The following PHF20 variants were observed in gnomAD, a reference collection of about 807,000 sequenced individuals.
PHF20 encodes the protein glioma-expressed antigen 2.
In PHF20, 23 loss-of-function variants were observed where a neutral mutation model predicts 113.5. The observed-to-expected ratio is 0.20, with a 90% CI of 0.15 to 0.29. The LOEUF (loss-of-function observed/expected upper bound fraction) is 0.29. Ranked by LOEUF, PHF20 falls within the 10% of genes least tolerant of loss-of-function variation. PHF20 has a pLI of 1.00. For missense variants in PHF20, 943 were observed against 1,219.6 expected (o/e 0.77, Z 3.38); for synonymous variants, 434 against 457.3 (o/e 0.95, Z 0.65).
intron 5 of PHF20, among the ~76,000 whole-genome samples, chr20:35,862,390 A>T (rs2054233647): frequency 6.6e-6 from 1 of 152,194 alleles, no homozygotes; most frequent in Non-Finnish European, 1.5e-5. Context: ...AGGACAGAGC[A>T]TGAAGGCATT....
rs1035987272 is a variant in PHF20, at chr20:35,913,131, C to A, written c.1562-118C>A. 7 of 477,498 alleles carry A rather than the reference C, an allele frequency of 1.5e-5. No individual in the cohort carries two copies. In the East Asian group the frequency reaches 2.5e-4, roughly 17 times the overall value. The allele number at this position is 477,498 out of a possible 1,614,324, so 29.6% of individuals were successfully genotyped here. A position where few individuals can be genotyped will look rare whatever the true frequency, so the allele number is the denominator to read the frequency against. On this transcript the variant is annotated intron_variant, in intron 10 of 17. Transcript: ENST00000374012. ...GGCTCTGCCTCCAGACTGGAGCAAT[C>A]TGCTCCAGACTTCCCAGGCAGAGCC...
intron 9 of PHF20, chr20:35,878,728 C>A: frequency 1.3e-6 from 1 of 758,952 alleles, no homozygotes. Flanking sequence ...AAAACCTAAG[C>A]CTTAGAAGAA....
chr20:35,873,222 T>A (rs2054454523), intron 9 of PHF20, among the ~76,000 whole-genome samples: 1 of 151,628 alleles, frequency 6.6e-6, no homozygotes, highest in Admixed American at 6.6e-5. Context: ...TGTCTCAGCC[T>A]CCCGAGTAGC....
At chr20:35,904,226 G>A (rs146869058) in intron 10 of PHF20, among the ~76,000 whole-genome samples, 1,850 of 151,184 alleles carry the variant, frequency 0.012, 14 homozygotes, top group Non-Finnish European at 0.019. Context: ...GATTTGTGCT[G>A]CGTGATAATA....
At chr20:35,899,305 A>G (rs2055049255) in intron 9 of PHF20, 65 bp from the exon 10 acceptor site, 1 of 1,360,716 alleles carries the variant, frequency 7.3e-7, no homozygotes. Context: ...TCATGTGTTA[A>G]TGCATGTTTT....
At position 35,947,607 on chromosome 20, in the gene PHF20, G is replaced by A. The variant is rs148822034; in HGVS notation, c.3019G>A (p.Ala1007Thr). ...GGACCTGGGCAAGGTGCAGCAGATC[G>A]CCCTCTGCTGCTCAACATGAAACTG... ...LMDLGKVQQI[A>T]LCCST The change falls in exon 18 of 18, where the codon GCC (alanine) becomes ACC (threonine). Residue 1007 changes from alanine (A) to threonine (T), a missense_variant. Coordinates refer to ENST00000374012, the MANE Select transcript of PHF20 (RefSeq NM_016436.5). 1.9e-3 allele frequency: 3,045 copies of A among 1,613,846 alleles called. 9 individuals are homozygous for A. The highest frequency in any genetic ancestry group is 2.4e-3 in the Non-Finnish European group (2,833 of 1,179,918).
intron 2 of PHF20, chr20:35,838,466 C>T (rs1462549332): frequency 2.6e-5 from 4 of 152,096 alleles, no homozygotes; most frequent in Non-Finnish European, 5.9e-5. Context: ...GGCTCTCTCC[C>T]TTCCCCCACA....
At chr20:35,947,464 A>C in intron 17 of PHF20, 21 bp from the exon 18 acceptor site, 1 of 1,611,784 alleles carries the variant, frequency 6.2e-7, no homozygotes. Flanking sequence ...ACTAGGTCTC[A>C]TCTCTCTCTT....
chr20:35,802,961 T>G (rs1235907430), intron 2 of PHF20, among the ~76,000 whole-genome samples: 1 of 136,454 alleles, frequency 7.3e-6, no homozygotes, highest in Non-Finnish European at 1.5e-5. Flanking sequence ...AAAAAAGAAT[T>G]AGGTACACTT....
intron 2 of PHF20, among the ~76,000 whole-genome samples, chr20:35,831,605 C>T (rs79637847): frequency 0.051 from 7,722 of 152,250 alleles, 245 homozygotes; most frequent in African/African-American, 0.099. Context: ...GCTAGGACTA[C>T]AGGCCTGGCT....
intron 2 of PHF20, among the ~76,000 whole-genome samples, chr20:35,807,350 CTTTT>C (rs35614615): frequency 1.6e-5 from 2 of 122,314 alleles, no homozygotes; most frequent in East Asian, 2.3e-4. Flanking sequence ...ATGAATGGAT[CTTTT>C]TTTTTTTTTT....
intron 4 of PHF20, among the ~76,000 whole-genome samples, chr20:35,857,206 T>C (rs1245228741): frequency 6.6e-6 from 1 of 152,122 alleles, no homozygotes; most frequent in Non-Finnish European, 1.5e-5. Flanking sequence ...TTTAAATCCC[T>C]GGGGCAAAAA....
chr20:35,856,711 C>A (rs1323674297), intron 4 of PHF20, among the ~76,000 whole-genome samples: 3 of 152,138 alleles, frequency 2.0e-5, no homozygotes, highest in Non-Finnish European at 2.9e-5. Context: ...AGCCCGGAAG[C>A]TTTTACAGAA....
chr20:35,828,680 C>T (rs1219829127), intron 2 of PHF20, among the ~76,000 whole-genome samples: 3 of 152,150 alleles, frequency 2.0e-5, no homozygotes, highest in Non-Finnish European at 2.9e-5. Flanking sequence ...TGGAGTCATG[C>T]CAGCAGTGGC....
intron 1 of PHF20, among the ~76,000 whole-genome samples, chr20:35,800,567 T>C (rs1038374266): frequency 3.3e-5 from 5 of 152,166 alleles, no homozygotes; most frequent in Admixed American, 6.6e-5. Flanking sequence ...GGTCAGGTGT[T>C]TGATACCAGC....
intron 1 of PHF20, among the ~76,000 whole-genome samples, chr20:35,779,084 A>G (rs1191429526): frequency 6.6e-6 from 1 of 150,538 alleles, no homozygotes; most frequent in Non-Finnish European, 1.5e-5. Flanking sequence ...TGCCCAGGCT[A>G]GAGTACAATG....
intron 2 of PHF20, among the ~76,000 whole-genome samples, chr20:35,841,548 G>T (rs542898719): frequency 1.2e-4 from 18 of 152,072 alleles, no homozygotes; most frequent in Non-Finnish European, 2.4e-4. Context: ...GAGGTGGGCG[G>T]ATCATGAGGT....
At chr20:35,943,520 G>C (rs948157746) in intron 17 of PHF20, among the ~76,000 whole-genome samples, 5 of 146,442 alleles carry the variant, frequency 3.4e-5, no homozygotes, top group African/African-American at 1.3e-4. Flanking sequence ...AAAAAGCCTA[G>C]TAAGCTATTA....
chr20:35,890,012 A>G (rs2147035016), intron 9 of PHF20, among the ~76,000 whole-genome samples: 2 of 152,002 alleles, frequency 1.3e-5, no homozygotes, highest in South Asian at 2.1e-4. Context: ...TACAGGCATG[A>G]GCCACCATCC....
Sources: gnomAD v4.1 joint callset for allele counts (sites outside exome capture counted in the v4.1 genomes callset) on GRCh38, gnomAD v4.1.1 for gene constraint, MANE v1.5 for transcripts, NCBI Gene and HGNC (gene_info 2026-07-23, HGNC 2026-07-21) for gene names.